Variants in CHD1 observed in about 807,000 individuals in gnomAD.
CHD1 encodes the protein chromodomain helicase DNA binding protein 1.
A neutral mutation model predicts 224.2 loss-of-function variants in CHD1; 36 were observed. The observed-to-expected ratio is 0.16, with a 90% confidence interval of 0.12 to 0.21. The LOEUF (loss-of-function observed/expected upper bound fraction) is 0.21, where lower values mean the gene tolerates loss of function less well. CHD1 is among the 10% of genes least tolerant of loss of function. CHD1 has a pLI of 1.00. For missense variants in CHD1, 1,378 were observed against 1,994.8 expected, an observed-to-expected ratio of 0.69 and a Z score of 5.89; for synonymous variants, 668 against 658.3, an observed-to-expected ratio of 1.01 and a Z score of -0.23.
At chr5:98,861,656 C>T (rs756981325) in intron 32 of CHD1, among the ~76,000 whole-genome samples, 25 of 151,732 alleles carry the variant, frequency 1.6e-4, no homozygotes, top group Non-Finnish European at 2.9e-4. Flanking sequence ...CACATGCCAC[C>T]ATGCCCGACT....
intron 32 of CHD1, chr5:98,860,797 T>G (rs1748411412): frequency 6.6e-6 from 1 of 152,196 alleles, no homozygotes; most frequent in African/African-American, 2.4e-5. Flanking sequence ...AATATTTACC[T>G]TGAAATATAT....
Position 98,881,132 on chromosome 5 carries a change from G to C in CHD1, c.3004C>G (p.His1002Asp). ...IDEILKRAET[H>D]ENEPGPLTVG... ...GTTAAAGGACCTGGTTCATTTTCAT[G>C]AGTTTCAGCTCTCTTCAAGATTTCA... The change falls in exon 22 of 36, where the codon CAT becomes GAT. Residue 1002 changes from histidine to aspartate, a missense_variant. Around this residue, in one of 16 missense-constraint regions of CHD1, gnomAD observed 286 missense variants for 445.1 expected, o/e 0.64. Coordinates refer to ENST00000614616, the MANE Select transcript of CHD1 (RefSeq NM_001270.4). 6.2e-7 allele frequency: 1 copy of C among 1,610,354 alleles called. No individual in the cohort carries two copies. The highest frequency in any genetic ancestry group is 8.5e-7 in the Non-Finnish European group (1 of 1,177,878).
At chr5:98,870,926 T>C (rs1749287461) in intron 28 of CHD1, 123 bp from the exon 29 acceptor site, 2 of 495,996 alleles carry the variant, frequency 4.0e-6, no homozygotes, top group South Asian at 9.5e-5. Context: ...TTATTAATAT[T>C]TGTAGGAATA....
intron 2 of CHD1, among the ~76,000 whole-genome samples, chr5:98,909,361 A>C (rs1470421580): frequency 6.6e-6 from 1 of 152,166 alleles, no homozygotes; most frequent in Non-Finnish European, 1.5e-5. Context: ...CTTCTTGACA[A>C]GAATAGTTTA....
intron 30 of CHD1, chr5:98,869,135 A>G (rs1183966655): frequency 2.1e-6 from 2 of 944,466 alleles, no homozygotes; most frequent in African/African-American, 3.6e-5. Flanking sequence ...CTCCCTTTTA[A>G]GTTCTTTTTT....
chr5:98,923,392 C>T (rs1753232914), intron 2 of CHD1, among the ~76,000 whole-genome samples: 1 of 151,670 alleles, frequency 6.6e-6, no homozygotes, highest in South Asian at 2.1e-4. Context: ...GTAAAAGATT[C>T]CTTAAATTTG....
In CHD1 at chr5:98,871,095, T is replaced by C. The variant is rs558870182; in HGVS notation, c.3862-292A>G. 7.2e-5 allele frequency among the ~76,000 whole-genome samples: 11 copies of C among 152,158 alleles called. No homozygotes were observed. The East Asian group carries it at 2.1e-3, about 29-fold the overall frequency. On this transcript the variant is annotated intron_variant, in intron 28 of 35. Transcript: ENST00000614616. ...TCCTTCAAATATACAAAAGTGTACT[T>C]AACATCCACTATTAAATGTTATATA...
intron 16 of CHD1, 90 bp downstream of exon 16, chr5:98,888,986 T>C: frequency 1.3e-6 from 1 of 775,724 alleles, no homozygotes; most frequent in Non-Finnish European, 2.0e-6. Context: ...TTTTATCCAA[T>C]AAGTTAAAGC....
In CHD1 at chr5:98,882,052, C is replaced by G. The variant is rs1039522597; in HGVS notation, c.2790G>C (p.Met930Ile). The G allele has an allele frequency of 3.7e-6, 6 of 1,613,438 alleles. No homozygotes were observed. The highest frequency in any genetic ancestry group is 3.4e-6 in the Non-Finnish European group (4 of 1,179,708). Residue 930 changes from methionine to isoleucine, a missense_variant, in exon 20 of 36, where the codon ATG becomes ATC. Coordinates refer to ENST00000614616, the MANE Select transcript of CHD1 (RefSeq NM_001270.4). ...EDILERAKKK[M>I]VLDHLVIQRM... ...TTTGAATTACAAGATGATCTAAAACCATCTTCTTTTTCGCCCTTTCAAGAA... is the reference window on the plus strand; with the variant it reads ...TTTGAATTACAAGATGATCTAAAACGATCTTCTTTTTCGCCCTTTCAAGAA...
Position 98,901,887 on chromosome 5 carries a change from T to G in CHD1, c.438-552A>C, listed in dbSNP as rs558400029. Among the ~76,000 whole-genome samples the G allele has an allele frequency of 2.0e-3, 308 of 152,236 alleles. 2 individuals are homozygous for G. Among genetic ancestry groups the G allele is most frequent in the African/African-American group, 6.8e-3 (281 of 41,582 alleles). ...AGAAAAATAATGGATGTTAATATTT[T>G]GCTATCATAAGAAGTTCAAATGAAA... On this transcript the variant is annotated intron_variant, in intron 5 of 35. Coordinates refer to ENST00000614616, the MANE Select transcript of CHD1 (RefSeq NM_001270.4).
At chr5:98,918,203 G>A (rs1456972442) in intron 2 of CHD1, among the ~76,000 whole-genome samples, 1 of 151,632 alleles carries the variant, frequency 6.6e-6, no homozygotes, top group Non-Finnish European at 1.5e-5. Flanking sequence ...GACCACAGGT[G>A]CCCGCCAACA....
chr5:98,869,939 C>T, intron 29 of CHD1, 57 bp from the exon 30 acceptor site: 1 of 1,337,488 alleles, frequency 7.5e-7, no homozygotes, highest in Non-Finnish European at 1.0e-6. Flanking sequence ...TTAAAAACTT[C>T]ATAAACATTA....
At chr5:98,866,664 T>C (rs1016133240) in intron 31 of CHD1, among the ~76,000 whole-genome samples, 3 of 152,154 alleles carry the variant, frequency 2.0e-5, no homozygotes, top group African/African-American at 7.2e-5. Context: ...ATTCAGATGC[T>C]AGAAATCTCT....
Position 98,879,781 on chromosome 5 carries a change from A to C in CHD1, c.3061-53T>G, listed in dbSNP as rs1000459011. ...ACTGTTACAGAAAAATTGATCCCTA[A>C]AAGTTTTTTTTAAGGGGAAGAACTG... On this transcript the variant is annotated intron_variant, in intron 22 of 35. Transcript: ENST00000614616. The C allele has an allele frequency of 1.1e-5, 15 of 1,325,142 alleles. No individual in the cohort carries two copies. The East Asian group carries it at 2.4e-4, about 22-fold the overall frequency. 82.1% of individuals were successfully genotyped at this position (1,325,142 alleles called of 1,614,324 possible).
chr5:98,897,130 T>C (rs1411364465), intron 11 of CHD1, 63 bp downstream of exon 11: 1 of 1,482,136 alleles, frequency 6.7e-7, no homozygotes, highest in African/African-American at 1.4e-5. Flanking sequence ...AAATCTTTTC[T>C]GAATCCTGTA....
intron 18 of CHD1, among the ~76,000 whole-genome samples, chr5:98,884,795 C>T (rs1244805886): frequency 2.0e-5 from 3 of 151,714 alleles, no homozygotes; most frequent in African/African-American, 4.8e-5. Context: ...TGGCTCACCG[C>T]AGCCTCAAAC....
chr5:98,919,096 T>C (rs1752931070), intron 2 of CHD1, among the ~76,000 whole-genome samples: 3 of 152,344 alleles, frequency 2.0e-5, no homozygotes, highest in South Asian at 4.1e-4. Flanking sequence ...TACAGGTGAA[T>C]AGCTTCATAT....
intron 2 of CHD1, 123 bp from the exon 3 acceptor site, chr5:98,905,221 G>T: frequency 1.7e-6 from 2 of 1,158,648 alleles, no homozygotes; most frequent in Non-Finnish European, 1.2e-6. Context: ...ACTATCTTTG[G>T]CCAAAAAAAA....
At chr5:98,861,781 C>T (rs1345879579) in intron 32 of CHD1, among the ~76,000 whole-genome samples, 1 of 151,726 alleles carries the variant, frequency 6.6e-6, no homozygotes, top group Non-Finnish European at 1.5e-5. Flanking sequence ...GGATTATAGG[C>T]ATGAGCCATT....
Sources: gnomAD v4.1 joint callset for allele counts (sites outside exome capture counted in the v4.1 genomes callset) on GRCh38, gnomAD v4.1.1 for gene constraint, gnomAD v4.1.1 regional missense constraint, MANE v1.5 for transcripts, NCBI Gene and HGNC (gene_info 2026-07-23, HGNC 2026-07-21) for gene names.